The following NTRK3 variants were observed in gnomAD, a reference collection of about 807,000 sequenced individuals.
The protein encoded by NTRK3 is neurotrophic receptor tyrosine kinase 3, also known as NT-3 growth factor receptor.
In NTRK3, 24 loss-of-function variants were observed where a neutral mutation model predicts 91.7. The observed-to-expected ratio is 0.26, with a 90% confidence interval of 0.19 to 0.37. NTRK3 has a LOEUF of 0.37. Ranked by LOEUF, NTRK3 falls within the 10% of genes least tolerant of loss-of-function variation. The pLI, the probability that NTRK3 is intolerant of heterozygous loss-of-function variation, is 1.00. For missense variants in NTRK3, 880 were observed against 1,068.9 expected, an observed-to-expected ratio of 0.82 and a Z score of 2.46; for synonymous variants, 483 against 404.0, an observed-to-expected ratio of 1.20 and a Z score of -2.34.
At chr15:87,894,143 C>A (rs1219352517) in intron 17 of NTRK3, among the ~76,000 whole-genome samples, 1 of 152,186 alleles carries the variant, frequency 6.6e-6, no homozygotes, top group Non-Finnish European at 1.5e-5. Flanking sequence ...TAAATCTATG[C>A]CTTCGTCATT....
At chr15:88,186,004 G>A (rs758497706) in intron 3 of NTRK3, among the ~76,000 whole-genome samples, 33 of 152,184 alleles carry the variant, frequency 2.2e-4, no homozygotes, top group Non-Finnish European at 4.7e-4. Flanking sequence ...AAGCCTTACA[G>A]CCCCAGGGCA....
chr15:87,914,845 T>C (rs568882545), intron 17 of NTRK3, among the ~76,000 whole-genome samples: 1 of 152,336 alleles, frequency 6.6e-6, no homozygotes, highest in South Asian at 2.1e-4. Flanking sequence ...TCGTGATGAT[T>C]GGCAGAGTTG....
chr15:88,077,023 G>A (rs1262900942), intron 13 of NTRK3, among the ~76,000 whole-genome samples: 1 of 152,130 alleles, frequency 6.6e-6, no homozygotes, highest in African/African-American at 2.4e-5. Context: ...GAACCTAGGA[G>A]GCGGAGGTTG....
chr15:87,940,933 T>G (rs1037807151), intron 14 of NTRK3, among the ~76,000 whole-genome samples, 180 bp from the exon 15 acceptor site: 1 of 152,156 alleles, frequency 6.6e-6, no homozygotes, highest in African/African-American at 2.4e-5. Flanking sequence ...TTTGAGAGTA[T>G]GGGCCAGAAT....
chr15:88,034,495 C>T (rs902659491), intron 13 of NTRK3, among the ~76,000 whole-genome samples: 2 of 152,228 alleles, frequency 1.3e-5, no homozygotes, highest in African/African-American at 2.4e-5. Context: ...AGTGAATTAG[C>T]TGTGACTGTT....
At chr15:87,883,751 A>G (rs923608618) in intron 17 of NTRK3, among the ~76,000 whole-genome samples, 1 of 151,454 alleles carries the variant, frequency 6.6e-6, no homozygotes, top group Non-Finnish European at 1.5e-5. Context: ...ATATAATAAA[A>G]TAAAAGTTAA....
At chr15:88,016,305 C>T (rs2077230245) in intron 14 of NTRK3, among the ~76,000 whole-genome samples, 1 of 152,104 alleles carries the variant, frequency 6.6e-6, no homozygotes, top group Non-Finnish European at 1.5e-5. Context: ...ACACATAATC[C>T]CAGAGATGCA....
intron 14 of NTRK3, among the ~76,000 whole-genome samples, chr15:88,002,215 G>A (rs1444696239): frequency 4.7e-5 from 6 of 128,360 alleles, no homozygotes; most frequent in Non-Finnish European, 6.3e-5. Flanking sequence ...AAATCTAAGA[G>A]TTGGACTATT....
chr15:87,981,228 T>C (rs1251373554), intron 14 of NTRK3: 1 of 1,581,228 alleles, frequency 6.3e-7, no homozygotes, highest in Admixed American at 1.8e-5. Flanking sequence ...TAACTCACCA[T>C]GTGACCTTGG....
At chr15:88,199,360 T>C (rs1056639657) in intron 3 of NTRK3, among the ~76,000 whole-genome samples, 1 of 152,188 alleles carries the variant, frequency 6.6e-6, no homozygotes, top group African/African-American at 2.4e-5. Flanking sequence ...CAAGACTCCA[T>C]GATCCTTGGG....
rs141880782 is a variant in NTRK3 at position 88,204,143 on chromosome 15, G to C, written c.249-19844C>G. 1.6e-4 allele frequency among the ~76,000 whole-genome samples: 25 copies of C among 152,264 alleles called. 1 individual carries two copies. The highest frequency in any genetic ancestry group is 5.3e-4 in the African/African-American group (22 of 41,562). On this transcript the variant is annotated intron_variant, in intron 3 of 18. Coordinates refer to ENST00000394480, the Ensembl canonical transcript of NTRK3. ...GAGAACATGTGGTGTCTGGTTTTCT[G>C]TTCTTGTGTTAGTCAAGCAAAGGTA...
At chr15:88,005,295 T>C (rs1025215554) in intron 14 of NTRK3, among the ~76,000 whole-genome samples, 3 of 152,192 alleles carry the variant, frequency 2.0e-5, no homozygotes, top group Non-Finnish European at 4.4e-5. Context: ...TCAGGACTTC[T>C]GATGGCCCCA....
chr15:87,959,761 T>G (rs991527287), intron 14 of NTRK3, among the ~76,000 whole-genome samples: 3 of 152,186 alleles, frequency 2.0e-5, no homozygotes, highest in Non-Finnish European at 4.4e-5. Flanking sequence ...CGGAATCTAC[T>G]GGAAAGCCCT....
chr15:88,016,246 T>G (rs985566546), intron 14 of NTRK3, among the ~76,000 whole-genome samples: 4 of 152,140 alleles, frequency 2.6e-5, no homozygotes, highest in African/African-American at 4.8e-5. Flanking sequence ...TAAAGAGACA[T>G]AGAGAGGCTA....
At chr15:88,006,793 C>T (rs913286662) in intron 14 of NTRK3, among the ~76,000 whole-genome samples, 1 of 152,220 alleles carries the variant, frequency 6.6e-6, no homozygotes, top group Admixed American at 6.5e-5. Flanking sequence ...TCCAAATGCA[C>T]ACATGACATA....
intron 14 of NTRK3, among the ~76,000 whole-genome samples, chr15:87,958,174 C>T (rs546100083): frequency 1.2e-4 from 18 of 152,280 alleles, no homozygotes; most frequent in East Asian, 9.6e-4. Flanking sequence ...GCATAAAAGG[C>T]GTGTTTCACA....
intron 11 of NTRK3, among the ~76,000 whole-genome samples, chr15:88,127,565 T>C (rs1288284250): frequency 6.6e-6 from 1 of 152,140 alleles, no homozygotes; most frequent in Non-Finnish European, 1.5e-5. Flanking sequence ...AGAAACATGG[T>C]TTGGGATCCT....
intron 13 of NTRK3, among the ~76,000 whole-genome samples, chr15:88,058,501 T>C (rs2045923940): frequency 6.6e-6 from 1 of 152,178 alleles, no homozygotes; most frequent in African/African-American, 2.4e-5. Context: ...GGAAGTTCTG[T>C]CTGTGGGTCT....
intron 13 of NTRK3, among the ~76,000 whole-genome samples, chr15:88,118,196 T>C (rs1044231767): frequency 2.0e-5 from 3 of 152,188 alleles, no homozygotes; most frequent in Non-Finnish European, 4.4e-5. Flanking sequence ...TCTTTGGCCA[T>C]CCTAAAGCCC....
Sources: gnomAD v4.1 joint callset for allele counts (sites outside exome capture counted in the v4.1 genomes callset) on GRCh38, gnomAD v4.1.1 for gene constraint, MANE v1.5 for transcripts, NCBI Gene and HGNC (gene_info 2026-07-23, HGNC 2026-07-21) for gene names.